Variants in EXOC6 observed in about 807,000 individuals in gnomAD.
EXOC6 encodes the protein SEC15-like 1.
In EXOC6, 60 loss-of-function variants were observed where a neutral mutation model predicts 112.5. That is an observed-to-expected ratio of 0.53 (90% CI 0.43 to 0.66). The LOEUF (loss-of-function observed/expected upper bound fraction) is 0.66. Among genes scored for constraint, EXOC6 ranks in the 30% least tolerant of loss-of-function variants. The pLI is 0.00. For synonymous variants in EXOC6, 295 were observed against 308.0 expected (o/e 0.96, Z 0.44); for missense variants, 855 against 957.1 (o/e 0.89, Z 1.41).
At chr10:92,896,175 A>ATTTTTTTTTTTTT (rs1849798265) in intron 4 of EXOC6, among the ~76,000 whole-genome samples, 1 of 20,522 alleles carries the variant, frequency 4.9e-5, no homozygotes, top group African/African-American at 2.0e-4. Flanking sequence ...ATATATATAT[A>ATTTTTTTTTTTTT]TATATATTTT....
upstream of EXOC6, among the ~76,000 whole-genome samples, chr10:92,830,800 G>A (rs1469876345): frequency 1.3e-5 from 2 of 152,196 alleles, no homozygotes; most frequent in African/African-American, 4.8e-5. Context: ...ATCCTAGGAA[G>A]TAGTCAAAGA....
exon 1 of EXOC6, among the ~76,000 whole-genome samples, chr10:92,826,871 C>A (rs1165316820): frequency 6.6e-6 from 1 of 152,082 alleles, no homozygotes; most frequent in Non-Finnish European, 1.5e-5. Context: ...GGAGCATAAA[C>A]CCTGAGGTGG....
chr10:93,033,658 G>A (rs367576367), intron 20 of EXOC6, among the ~76,000 whole-genome samples: 5 of 152,126 alleles, frequency 3.3e-5, no homozygotes, highest in Admixed American at 6.5e-5. Context: ...TAAATTAAGC[G>A]TTTGTTAGTG....
chr10:92,872,199 T>C (rs1307743274), intron 1 of EXOC6, among the ~76,000 whole-genome samples: 1 of 152,172 alleles, frequency 6.6e-6, no homozygotes, highest in African/African-American at 2.4e-5. Flanking sequence ...TATATCTTCC[T>C]TATTGCTCTT....
chr10:92,988,800 T>TACACAC (rs67242778), intron 18 of EXOC6, among the ~76,000 whole-genome samples: 4,633 of 143,012 alleles, frequency 0.032, 129 homozygotes, highest in Admixed American at 0.077. Flanking sequence ...CTACAAAAAA[T>TACACAC]ACACACACAC....
intron 17 of EXOC6, among the ~76,000 whole-genome samples, chr10:92,972,588 T>C (rs1459537581): frequency 1.3e-5 from 2 of 152,158 alleles, no homozygotes; most frequent in African/African-American, 4.8e-5. Context: ...GTATGTGATA[T>C]AGTATGTTAT....
chr10:92,928,281 G>A (rs1330711324), intron 8 of EXOC6, 58 bp from the exon 9 acceptor site: 5 of 903,448 alleles, frequency 5.5e-6, no homozygotes, highest in African/African-American at 3.3e-5. Context: ...AGAAGTATCT[G>A]TTTTAGTTGT....
intron 8 of EXOC6, among the ~76,000 whole-genome samples, chr10:92,921,013 T>C (rs965294269): frequency 1.3e-5 from 2 of 152,226 alleles, no homozygotes; most frequent in African/African-American, 4.8e-5. Flanking sequence ...TAACACATAG[T>C]TCAGTCTGTT....
intron 20 of EXOC6, among the ~76,000 whole-genome samples, chr10:93,049,038 G>T (rs1487942783): frequency 6.6e-6 from 1 of 151,528 alleles, no homozygotes; most frequent in African/African-American, 2.4e-5. Context: ...CAAACACCTT[G>T]TACATAAATG....
chr10:92,862,835 A>G (rs982822143), intron 1 of EXOC6, among the ~76,000 whole-genome samples: 3 of 152,186 alleles, frequency 2.0e-5, no homozygotes, highest in Non-Finnish European at 4.4e-5. Flanking sequence ...ATGAACATTC[A>G]TGTACAAGTT....
chr10:93,041,285 T>A (rs915295033), intron 20 of EXOC6, among the ~76,000 whole-genome samples: 6 of 152,226 alleles, frequency 3.9e-5, no homozygotes, highest in Non-Finnish European at 7.3e-5. Context: ...TCCCAATGTA[T>A]TTTAAGATTG....
intron 20 of EXOC6, among the ~76,000 whole-genome samples, chr10:93,034,343 C>T (rs568539999): frequency 5.5e-4 from 84 of 152,248 alleles, no homozygotes; most frequent in African/African-American, 2.0e-3. Context: ...AAGGGAAGTA[C>T]CCTGGGCACC....
chr10:93,052,503 CACTT>C (rs1378270803), intron 20 of EXOC6, among the ~76,000 whole-genome samples: 6 of 152,182 alleles, frequency 3.9e-5, no homozygotes, highest in African/African-American at 1.4e-4. Flanking sequence ...ATGTACAACT[CACTT>C]ACAAATGTTG....
chr10:93,006,669 C>T (rs1056181184), intron 19 of EXOC6, among the ~76,000 whole-genome samples: 4 of 152,156 alleles, frequency 2.6e-5, no homozygotes, highest in African/African-American at 9.7e-5. Flanking sequence ...TTCCTTCTAA[C>T]GACACAGCTG....
chr10:92,977,274 A>AT (rs1842660551), intron 18 of EXOC6, among the ~76,000 whole-genome samples: 1 of 151,722 alleles, frequency 6.6e-6, no homozygotes, highest in Admixed American at 6.6e-5. Context: ...AATGGGGAAA[A>AT]AAAAAGGTAA....
chr10:92,913,332 A>C (rs1284370701), intron 6 of EXOC6, among the ~76,000 whole-genome samples: 1 of 152,188 alleles, frequency 6.6e-6, no homozygotes, highest in East Asian at 1.9e-4. Flanking sequence ...GAACTGTTAT[A>C]TAGAATCATT....
chr10:92,989,663 A>G (rs1190748933), intron 18 of EXOC6, among the ~76,000 whole-genome samples: 1 of 152,210 alleles, frequency 6.6e-6, no homozygotes, highest in Non-Finnish European at 1.5e-5. Context: ...ACTCGATATA[A>G]TAATCATTGA....
At chr10:92,917,706 A>ATT (rs1412297531) in intron 7 of EXOC6, among the ~76,000 whole-genome samples, 1 of 151,330 alleles carries the variant, frequency 6.6e-6, no homozygotes, top group African/African-American at 2.4e-5. Flanking sequence ...AAAAAAAAAA[A>ATT]TTTCTTATAG....
chr10:92,874,480 C>T (rs113851537), intron 1 of EXOC6, among the ~76,000 whole-genome samples: 1 of 152,104 alleles, frequency 6.6e-6, no homozygotes, highest in African/African-American at 2.4e-5. Flanking sequence ...ATTCCCATAA[C>T]TTATTCATTT....
Sources: allele counts gnomAD v4.1 joint callset (sites outside exome capture counted in the v4.1 genomes callset), GRCh38; gene constraint gnomAD v4.1.1; transcripts MANE v1.5; gene names NCBI Gene and HGNC (gene_info 2026-07-23, HGNC 2026-07-21).